Variants in LARGE1 observed in about 807,000 individuals in gnomAD.
LARGE1 encodes the protein xylosyl- and glucuronyltransferase LARGE1.
LARGE1 carries 43 observed loss-of-function variants against 87.6 expected under a neutral mutation model. The ratio of observed to expected loss-of-function variants is 0.49; its 90% confidence interval spans 0.38 to 0.63. LARGE1 has a LOEUF of 0.63. Ranked by LOEUF, LARGE1 falls within the 30% of genes least tolerant of loss-of-function variation. The pLI is 0.00. For missense variants in LARGE1, 802 were observed against 1,000.2 expected, an observed-to-expected ratio of 0.80 and a Z score of 2.67; for synonymous variants, 434 against 394.6, an observed-to-expected ratio of 1.10 and a Z score of -1.18.
At chr22:33,225,865 T>C (rs910912244) in intron 11 of LARGE1, among the ~76,000 whole-genome samples, 6 of 152,224 alleles carry the variant, frequency 3.9e-5, no homozygotes, top group Non-Finnish European at 8.8e-5. Flanking sequence ...TCCAGCTCCA[T>C]CTATGTTCCT....
At chr22:33,228,454 G>T (rs1925844304) in intron 11 of LARGE1, among the ~76,000 whole-genome samples, 1 of 152,220 alleles carries the variant, frequency 6.6e-6, no homozygotes, top group Non-Finnish European at 1.5e-5. Context: ...ACCCTTAAGT[G>T]AACCCTGCAA....
intron 2 of LARGE1, chr22:33,744,329 G>A (rs1020040054): frequency 6.6e-6 from 1 of 152,218 alleles, no homozygotes; most frequent in Admixed American, 6.5e-5. Context: ...CACCCAGCTG[G>A]TAAGTGGAAC....
At chr22:33,886,849 G>A (rs1025613571) in intron 1 of LARGE1, among the ~76,000 whole-genome samples, 1 of 152,064 alleles carries the variant, frequency 6.6e-6, no homozygotes, top group Non-Finnish European at 1.5e-5. Flanking sequence ...CAAGGAAAAC[G>A]ACAAAAAGAC....
rs192503267 is a variant in LARGE1, at chr22:33,398,310, G to A, written c.893-14006C>T. On this transcript the variant is annotated intron_variant, in intron 7 of 14. Coordinates refer to ENST00000397394, the MANE Select transcript of LARGE1 (RefSeq NM_133642.5). ...AACTGAGGCTCAGAAAGGCTATGTG[G>A]CTGGTCAAAGCAAAACAACTAATAC... Among the ~76,000 whole-genome samples the A allele has an allele frequency of 1.9e-3, 287 of 152,048 alleles. 1 individual carries two copies. The highest frequency in any genetic ancestry group is 6.8e-3 in the African/African-American group (281 of 41,454).
At chr22:33,777,447 G>C (rs1266367321) in intron 1 of LARGE1, among the ~76,000 whole-genome samples, 1 of 152,026 alleles carries the variant, frequency 6.6e-6, no homozygotes, top group Non-Finnish European at 1.5e-5. Context: ...AGACCAGCCT[G>C]GGCTACAACA....
At chr22:33,675,592 C>T (rs571274703) in intron 2 of LARGE1, among the ~76,000 whole-genome samples, 2 of 152,178 alleles carry the variant, frequency 1.3e-5, no homozygotes, top group African/African-American at 4.8e-5. Context: ...ACAAGGAGAT[C>T]CAGCGATGAG....
In LARGE1 at chr22:33,316,175, T is replaced by A; in HGVS notation, c.1361A>T (p.His454Leu). 1 of 1,613,948 alleles carries A rather than the reference T, an allele frequency of 6.2e-7. No homozygotes were observed. Among genetic ancestry groups the A allele is most frequent in the Non-Finnish European group, 8.5e-7 (1 of 1,179,986 alleles). ...GTGCAGGAAGTACAGGTGGGTGCGG[T>A]GGACAGTGAAGCGCTCTCGCCGGAA... Reference protein sequence around the residue: ...YEFRRERFTVHRTHLYFLHYE... With the variant: ...YEFRRERFTVLRTHLYFLHYE... The change falls in exon 11 of 15, where the codon CAC (histidine) becomes CTC (leucine). Residue 454 changes from histidine (H) to leucine (L), a missense_variant. Transcript: ENST00000397394.
intron 2 of LARGE1, among the ~76,000 whole-genome samples, chr22:33,707,485 A>G (rs1308893691): frequency 6.6e-6 from 1 of 152,248 alleles, no homozygotes; most frequent in African/African-American, 2.4e-5. Flanking sequence ...GTTTGTGGCT[A>G]TATTTCTGAT....
At chr22:33,354,240 G>T (rs907318399) in intron 9 of LARGE1, among the ~76,000 whole-genome samples, 2 of 152,172 alleles carry the variant, frequency 1.3e-5, no homozygotes, top group African/African-American at 4.8e-5. Flanking sequence ...GTTTGAAATT[G>T]TTTCCATCGT....
intron 2 of LARGE1, among the ~76,000 whole-genome samples, chr22:33,724,469 T>G (rs936972020): frequency 6.6e-6 from 1 of 152,090 alleles, no homozygotes; most frequent in Non-Finnish European, 1.5e-5. Flanking sequence ...CAGCCACAGT[T>G]CTATAAGGGT....
intron 6 of LARGE1, among the ~76,000 whole-genome samples, chr22:33,488,173 A>G (rs945410318): frequency 3.3e-5 from 5 of 152,244 alleles, no homozygotes; most frequent in Non-Finnish European, 7.3e-5. Context: ...CACTAGCCAC[A>G]TGTGGCAATT....
intron 6 of LARGE1, among the ~76,000 whole-genome samples, chr22:33,533,464 T>C (rs1023445147): frequency 9.9e-5 from 15 of 152,140 alleles, no homozygotes; most frequent in Non-Finnish European, 1.9e-4. Flanking sequence ...GCTGCCTCGA[T>C]TGGCATACAG....
chr22:33,089,350 T>TCTTCTTCTC, the LARGE1 span, among the ~76,000 whole-genome samples: 6 of 115,936 alleles, frequency 5.2e-5, no homozygotes, highest in Admixed American at 8.8e-5. Context: ...TTCTTCTTCT[T>TCTTCTTCTC]CTTCTTCTTC....
chr22:33,380,279 CAT>C (rs2065116655), intron 9 of LARGE1, among the ~76,000 whole-genome samples: 1 of 152,152 alleles, frequency 6.6e-6, no homozygotes, highest in Non-Finnish European at 1.5e-5. Flanking sequence ...CTAACAAGCA[CAT>C]GATATACAGA....
In LARGE1 at chr22:33,844,467, A is replaced by T. The variant is rs369850588; in HGVS notation, c.-83+75528T>A. 3.0e-4 allele frequency among the ~76,000 whole-genome samples: 46 copies of T among 152,258 alleles called. No homozygotes were observed. The East Asian group carries it at 8.3e-3, about 28-fold the overall frequency. ...TGCTTTGAACACAGGAAGTGATTTCAATTTCAGCACAGCTTCCACTTAGGA... is the reference window on the plus strand; with the variant it reads ...TGCTTTGAACACAGGAAGTGATTTCTATTTCAGCACAGCTTCCACTTAGGA... On this transcript the variant is annotated intron_variant, in intron 1 of 14. Transcript: ENST00000397394.
intron 6 of LARGE1, among the ~76,000 whole-genome samples, chr22:33,528,448 G>A (rs941607214): frequency 2.6e-5 from 4 of 152,178 alleles, no homozygotes; most frequent in African/African-American, 9.7e-5. Flanking sequence ...ATGAGCAACT[G>A]AGCTTCATGG....
At chr22:33,365,022 C>T (rs140095387) in intron 9 of LARGE1, among the ~76,000 whole-genome samples, 2 of 152,170 alleles carry the variant, frequency 1.3e-5, no homozygotes, top group East Asian at 3.9e-4. Context: ...TTTTCAAGGC[C>T]TGCCAAAGTT....
chr22:33,303,007 A>G (rs1934371747), intron 12 of LARGE1, among the ~76,000 whole-genome samples: 7 of 152,204 alleles, frequency 4.6e-5, no homozygotes, highest in Admixed American at 4.6e-4. Flanking sequence ...CATGCTGACC[A>G]ATGGCAGTAA....
chr22:33,091,451 T>C, the LARGE1 span, among the ~76,000 whole-genome samples: 11 of 152,152 alleles, frequency 7.2e-5, no homozygotes, highest in South Asian at 1.7e-3. Flanking sequence ...TCTCAGCTAC[T>C]TGGGAGGCTG....
Sources: allele counts gnomAD v4.1 joint callset (sites outside exome capture counted in the v4.1 genomes callset), GRCh38; gene constraint gnomAD v4.1.1; transcripts MANE v1.5; gene names NCBI Gene and HGNC (gene_info 2026-07-23, HGNC 2026-07-21).